The following SLC25A42 variants were observed in gnomAD, a reference collection of about 807,000 sequenced individuals.
SLC25A42 encodes mitochondrial coenzyme A transporter SLC25A42.
In SLC25A42, 19 loss-of-function variants were observed where a neutral mutation model predicts 34.7. The observed-to-expected ratio is 0.55, with a 90% CI of 0.38 to 0.80. The LOEUF is 0.80. Among genes scored for constraint, SLC25A42 ranks in the 30% least tolerant of loss-of-function variants. The pLI is 0.00. For synonymous variants in SLC25A42, 205 were observed against 191.2 expected, an observed-to-expected ratio of 1.07 and a Z score of -0.59; for missense variants, 364 against 441.3, an observed-to-expected ratio of 0.82 and a Z score of 1.57.
At position 19,111,087 on chromosome 19, in the gene SLC25A42, G is replaced by A; in HGVS notation, c.*211G>A. 1 of 592,628 alleles carries A rather than the reference G, an allele frequency of 1.7e-6. No homozygotes were observed. The highest frequency in any genetic ancestry group is 2.9e-6 in the Non-Finnish European group (1 of 339,206). The allele number at this position is 592,628 out of a possible 1,614,324, so 36.7% of individuals were successfully genotyped here. On this transcript the variant is annotated 3_prime_UTR_variant, in exon 8 of 8. Coordinates refer to ENST00000318596, the MANE Select transcript of SLC25A42 (RefSeq NM_178526.5). ...AAGTGCAGTGTTGGGGCGATGGTGT[G>A]GGGGGTCCCGCAGCTCCCCTCTTCC...
In SLC25A42 at chr19:19,111,033, A is replaced by C; in HGVS notation, c.*157A>C. On this transcript the variant is annotated 3_prime_UTR_variant, in exon 8 of 8. Coordinates refer to ENST00000318596, the MANE Select transcript of SLC25A42 (RefSeq NM_178526.5). The stretch of plus-strand genomic sequence containing the variant: ...CCTGAGGGGCCTGGGCTCAGAGTCC[A>C]CGTCCAAACGCAAAGCTGGCAGCCC... The C allele has an allele frequency of 1.3e-6, 1 of 787,820 alleles. No individual in the cohort carries two copies. Among genetic ancestry groups the C allele is most frequent in the Non-Finnish European group, 2.0e-6 (1 of 504,424 alleles). The allele number at this position is 787,820 out of a possible 1,614,324, so 48.8% of individuals were successfully genotyped here.
At chr19:19,096,303 C>A in intron 2 of SLC25A42, 98 bp downstream of exon 2, 1 of 884,656 alleles carries the variant, frequency 1.1e-6, no homozygotes, top group Non-Finnish European at 1.8e-6. Context: ...AGCCTCTGCA[C>A]CCCCTCCAAA....
intron 3 of SLC25A42, among the ~76,000 whole-genome samples, chr19:19,103,557 G>T (rs1376196887): frequency 1.3e-5 from 2 of 152,216 alleles, no homozygotes; most frequent in Non-Finnish European, 2.9e-5. Context: ...TCAGAGGACA[G>T]AAATTAAACC....
At position 19,105,557 on chromosome 19, in the gene SLC25A42, C is replaced by T; in HGVS notation, c.214-4C>T. 1 of 1,609,722 alleles carries T rather than the reference C, an allele frequency of 6.2e-7. No individual in the cohort carries two copies. The highest frequency in any genetic ancestry group is 8.5e-7 in the Non-Finnish European group (1 of 1,176,768). On this transcript the variant is annotated splice_polypyrimidine_tract_variant and splice_region_variant and intron_variant, in intron 4 of 7. Transcript: ENST00000318596. ...GGGATGTTGACCTTCCCGCTTATCT[C>T]CAGGAGGCCTTCCGGGTCCTCTACT...
rs115188550 is a variant in SLC25A42 at position 19,065,160 on chromosome 19, C to T, written c.-35+1045C>T. Among the ~76,000 whole-genome samples the T allele has an allele frequency of 4.5e-3, 689 of 152,230 alleles. 10 individuals carry two copies. Among genetic ancestry groups the T allele is most frequent in the African/African-American group, 0.016 (653 of 41,544 alleles). On this transcript the variant is annotated intron_variant, in intron 1 of 7. Coordinates refer to ENST00000318596, the MANE Select transcript of SLC25A42 (RefSeq NM_178526.5). ...TTAGCTGGAAGGGACGGCCCCTCTGCCAAGCGTGTGTCTCGGAGTCCTGGG... is the reference window on the plus strand; with the variant it reads ...TTAGCTGGAAGGGACGGCCCCTCTGTCAAGCGTGTGTCTCGGAGTCCTGGG...
intron 1 of SLC25A42, among the ~76,000 whole-genome samples, chr19:19,090,933 C>T (rs574147421): frequency 1.3e-5 from 2 of 152,332 alleles, no homozygotes; most frequent in East Asian, 3.9e-4. Flanking sequence ...ACTGTGGTCC[C>T]CGGGGTCCGG....
intron 2 of SLC25A42, 49 bp downstream of exon 2, chr19:19,096,254 T>TGGGGGCCCCCCCCCCCCCCCCCCC: frequency 6.9e-7 from 1 of 1,456,742 alleles, no homozygotes; most frequent in Non-Finnish European, 9.4e-7. Flanking sequence ...GGCCCCAGCC[T>TGGGGGCCCCCCCCCCCCCCCCCCC]CCCCACCCCC....
rs375907273 is a variant in SLC25A42, at chr19:19,105,555, C to G, written c.214-6C>G. 1.2e-6 allele frequency: 2 copies of G among 1,608,516 alleles called. No individual in the cohort carries two copies. Among genetic ancestry groups the G allele is most frequent in the African/African-American group, 1.3e-5 (1 of 74,832 alleles). ...GAGGGATGTTGACCTTCCCGCTTATCTCCAGGAGGCCTTCCGGGTCCTCTA... is the reference window on the plus strand; with the variant it reads ...GAGGGATGTTGACCTTCCCGCTTATGTCCAGGAGGCCTTCCGGGTCCTCTA... On this transcript the variant is annotated splice_polypyrimidine_tract_variant and splice_region_variant and intron_variant, in intron 4 of 7. Transcript: ENST00000318596.
In SLC25A42 at chr19:19,110,638, G is replaced by A; in HGVS notation, c.719G>A (p.Gly240Glu). The change falls in exon 8 of 8, where the codon GGG (glycine) becomes GAG (glutamate). Residue 240 changes from glycine to glutamate, a missense_variant. Transcript: ENST00000318596. ...MIFGACAGLI[G>E]QSASYPLDVV... ...TTCGGCGCCTGCGCTGGCCTCATCG[G>A]GCAGTCGGCCTCGTACCCGCTGGAT... is the stretch of plus-strand genomic sequence containing the variant. 6.5e-7 allele frequency: 1 copy of A among 1,542,156 alleles called. No homozygotes were observed. Among genetic ancestry groups the A allele is most frequent in the Non-Finnish European group, 8.7e-7 (1 of 1,145,148 alleles).
In SLC25A42 at chr19:19,110,714, C is replaced by G; in HGVS notation, c.795C>G (p.Ala265=). Residue 265 remains alanine, a synonymous_variant, in exon 8 of 8, where the codon GCC becomes GCG. Coordinates refer to ENST00000318596, the MANE Select transcript of SLC25A42 (RefSeq NM_178526.5). ...CCGGCGTCACGGGCTACCCGCGCGC[C>G]TCCATCGCCCGCACGCTGCGCACCA... ...QTAGVTGYPR[A]SIARTLRTIV... is the part of the protein sequence containing the mutation. The G allele has an allele frequency of 5.6e-6, 9 of 1,602,758 alleles. No individual in the cohort carries two copies. Among genetic ancestry groups the G allele is most frequent in the Non-Finnish European group, 6.8e-6 (8 of 1,175,176 alleles).
rs1398712694 is a variant in SLC25A42 at position 19,106,542 on chromosome 19, G to A, written c.497+157G>A. On this transcript the variant is annotated intron_variant, in intron 6 of 7. Transcript: ENST00000318596. ...GATGTGTCATTCTGCAGCTGTTCCA[G>A]AAAGGCAGCAATTTGTTCTCTTAGC... The A allele has an allele frequency of 2.5e-5, 14 of 557,194 alleles. No individual in the cohort carries two copies. The South Asian group carries it at 2.7e-4, about 11-fold the overall frequency. 34.5% of individuals were successfully genotyped at this position (557,194 alleles called of 1,614,324 possible). A position where few individuals can be genotyped will look rare whatever the true frequency, so the allele number is the denominator to read the frequency against.
intron 1 of SLC25A42, among the ~76,000 whole-genome samples, chr19:19,079,075 A>AT: frequency 6.8e-6 from 1 of 146,904 alleles, no homozygotes; most frequent in East Asian, 2.0e-4. Flanking sequence ...TTTAATTTTT[A>AT]TTTTTTATCT....
At position 19,111,012 on chromosome 19, in the gene SLC25A42, A is replaced by C. The variant is rs2059862018; in HGVS notation, c.*136A>C. The C allele has an allele frequency of 1.0e-6, 1 of 998,990 alleles. No individual in the cohort carries two copies. Among genetic ancestry groups the C allele is most frequent in the Non-Finnish European group, 1.5e-6 (1 of 685,782 alleles). 61.9% of individuals were successfully genotyped at this position (998,990 alleles called of 1,614,324 possible). A position where few individuals can be genotyped will look rare whatever the true frequency, so the allele number is the denominator to read the frequency against. ...TTTATGGAACGAGCAGGTGGGCCTGAGGGGCCTGGGCTCAGAGTCCACGTC... is the reference window on the plus strand; with the variant it reads ...TTTATGGAACGAGCAGGTGGGCCTGCGGGGCCTGGGCTCAGAGTCCACGTC... On this transcript the variant is annotated 3_prime_UTR_variant, in exon 8 of 8. Transcript: ENST00000318596.
Position 19,106,370 on chromosome 19 carries a change from TA to T in SLC25A42, c.484del (p.Thr162ProfsTer22), listed in dbSNP as rs974779648. ...PLDLVRARMAVTPKEMYSNIF... is the reference protein window; with the variant it reads ...PLDLVRARMAXTPKEMYSNIF... ...GACCTGGTCAGAGCGCGGATGGCCG[TA>T]ACCCCGAAGGAAATGTGAGTCCTTA... is the stretch of plus-strand genomic sequence containing the variant. On this transcript the variant is annotated frameshift_variant, in exon 6 of 8. Transcript: ENST00000318596. LOFTEE classifies it high-confidence loss of function. 1 of 1,612,268 alleles carries T rather than the reference TA, an allele frequency of 6.2e-7. No homozygotes were observed. The highest frequency in any genetic ancestry group is 1.3e-5 in the African/African-American group (1 of 74,918).
intron 1 of SLC25A42, among the ~76,000 whole-genome samples, chr19:19,093,262 T>C (rs185207178): frequency 7.6e-4 from 116 of 152,224 alleles, no homozygotes; most frequent in Admixed American, 3.6e-3. Context: ...GCGATCCTCC[T>C]ACCTCAGCCT....
At chr19:19,106,192 C>G (rs1422994949) in intron 5 of SLC25A42, 77 bp from the exon 6 acceptor site, 1 of 1,258,494 alleles carries the variant, frequency 7.9e-7, no homozygotes, top group East Asian at 2.4e-5. Flanking sequence ...CAGAGACGTG[C>G]GGGTGCTCCA....
rs35787720 is a variant in SLC25A42, at chr19:19,070,991, C to CTTTTTTTTTTT, written c.-35+6885_-35+6895dup. Among the ~76,000 whole-genome samples, 2 of 117,208 alleles carry CTTTTTTTTTTT rather than the reference C, an allele frequency of 1.7e-5. 1 individual carries two copies. Among genetic ancestry groups the CTTTTTTTTTTT allele is most frequent in the African/African-American group, 6.9e-5 (2 of 28,818 alleles). The allele number at this position is 117,208 out of a possible 152,430, so 76.9% of individuals were successfully genotyped here. A position where few individuals can be genotyped will look rare whatever the true frequency, so the allele number is the denominator to read the frequency against. On this transcript the variant is annotated intron_variant, in intron 1 of 7. Coordinates refer to ENST00000318596, the MANE Select transcript of SLC25A42 (RefSeq NM_178526.5). ...GACCTGACTAGTGAATGCATACCGT[C>CTTTTTTTTTTT]TTTTTTTTTTTTTTTTTTTAATACA...
At chr19:19,078,138 G>A (rs1297085631) in intron 1 of SLC25A42, among the ~76,000 whole-genome samples, 1 of 152,196 alleles carries the variant, frequency 6.6e-6, no homozygotes, top group Non-Finnish European at 1.5e-5. Context: ...TCCCAGGGCT[G>A]TATATGGGGA....
chr19:19,110,881 C>A lies in SLC25A42; in HGVS notation c.*5C>A, dbSNP rs1479083892. ...CTGCGGCACCTGCAGAGCTAGGGGA[C>A]CCTGAGCTGCTCTCAGGACGGTGGA... On this transcript the variant is annotated 3_prime_UTR_variant, in exon 8 of 8. Coordinates refer to ENST00000318596, the MANE Select transcript of SLC25A42 (RefSeq NM_178526.5). The A allele has an allele frequency of 1.9e-6, 3 of 1,613,434 alleles. No homozygotes were observed. Among genetic ancestry groups the A allele is most frequent in the Non-Finnish European group, 2.5e-6 (3 of 1,179,896 alleles).
Sources: allele counts gnomAD v4.1 joint callset (sites outside exome capture counted in the v4.1 genomes callset), GRCh38; gene constraint gnomAD v4.1.1; transcripts MANE v1.5; gene names NCBI Gene and HGNC (gene_info 2026-07-23, HGNC 2026-07-21).